Variants in TWSG1 observed in about 807,000 individuals in gnomAD.
The protein encoded by TWSG1 is twisted gastrulation BMP signaling modulator 1.
A neutral mutation model predicts 23.0 loss-of-function variants in TWSG1; 15 were observed. That is an observed-to-expected ratio of 0.65 (90% CI 0.44 to 1.00). TWSG1 has a LOEUF of 1.00. Among genes scored for constraint, TWSG1 ranks in the 50% least tolerant of loss-of-function variants. The probability of loss-of-function intolerance (pLI) is 0.00; values close to 1 mark genes in which losing one functional copy is unlikely to be tolerated. For missense variants in TWSG1, 242 were observed against 278.7 expected (o/e 0.87, Z 0.94); for synonymous variants, 86 against 92.8 (o/e 0.93, Z 0.42).
At chr18:9,348,970 A>G (rs1020991653) in intron 2 of TWSG1, among the ~76,000 whole-genome samples, 3 of 152,174 alleles carry the variant, frequency 2.0e-5, no homozygotes, top group Admixed American at 2.0e-4. Flanking sequence ...GCAAAGCAGT[A>G]CAGTCATTCC....
intron 3 of TWSG1, among the ~76,000 whole-genome samples, chr18:9,380,006 C>T (rs1485461266): frequency 6.6e-6 from 1 of 152,114 alleles, no homozygotes; most frequent in Non-Finnish European, 1.5e-5. Context: ...AAAAAAAGAT[C>T]CTGATTTCTT....
At chr18:9,337,428 A>T in intron 2 of TWSG1, 76 bp downstream of exon 2, 1 of 1,471,430 alleles carries the variant, frequency 6.8e-7, no homozygotes. Context: ...ACAGATATAG[A>T]GTGCATATAT....
chr18:9,379,036 A>G (rs944470534), intron 3 of TWSG1, among the ~76,000 whole-genome samples: 1 of 152,182 alleles, frequency 6.6e-6, no homozygotes, highest in Non-Finnish European at 1.5e-5. Context: ...ATGCTGGCGA[A>G]GTTGTGGAGA....
At chr18:9,357,570 A>G (rs902842810) in intron 2 of TWSG1, among the ~76,000 whole-genome samples, 22 of 152,218 alleles carry the variant, frequency 1.4e-4, no homozygotes, top group Non-Finnish European at 2.9e-4. Flanking sequence ...AGGTACAGAA[A>G]TGAGAAATAA....
intron 3 of TWSG1, among the ~76,000 whole-genome samples, chr18:9,377,288 G>A (rs995772811): frequency 6.6e-5 from 10 of 150,872 alleles, no homozygotes; most frequent in African/African-American, 2.0e-4. Flanking sequence ...GTGCGACCTC[G>A]GCTCACTGCA....
At chr18:9,352,276 A>G (rs1160939879) in intron 2 of TWSG1, among the ~76,000 whole-genome samples, 2 of 151,992 alleles carry the variant, frequency 1.3e-5, no homozygotes, top group Non-Finnish European at 2.9e-5. Flanking sequence ...TTTCCTTTTT[A>G]TTGATGAGTA....
At chr18:9,353,095 C>T (rs1283999727) in intron 2 of TWSG1, among the ~76,000 whole-genome samples, 1 of 152,152 alleles carries the variant, frequency 6.6e-6, no homozygotes, top group Non-Finnish European at 1.5e-5. Context: ...CAGTAACATG[C>T]TGTACAGGTT....
intron 2 of TWSG1, among the ~76,000 whole-genome samples, chr18:9,349,823 C>T (rs1222817929): frequency 6.6e-6 from 1 of 152,126 alleles, no homozygotes; most frequent in East Asian, 1.9e-4. Context: ...CTTTCCTCTT[C>T]ATCCCATTTT....
At chr18:9,339,900 C>CT (rs2040438623) in intron 2 of TWSG1, among the ~76,000 whole-genome samples, 1 of 152,294 alleles carries the variant, frequency 6.6e-6, no homozygotes, top group Admixed American at 6.5e-5. Flanking sequence ...TCACCTAACT[C>CT]AAATGGTGAT....
At chr18:9,353,125 G>A (rs919744958) in intron 2 of TWSG1, among the ~76,000 whole-genome samples, 1 of 152,148 alleles carries the variant, frequency 6.6e-6, no homozygotes, top group Non-Finnish European at 1.5e-5. Context: ...GGAACAATAG[G>A]CCATACCATA....
chr18:9,372,150 G>A (rs926688108), intron 3 of TWSG1, among the ~76,000 whole-genome samples: 1 of 150,798 alleles, frequency 6.6e-6, no homozygotes, highest in Admixed American at 6.6e-5. Flanking sequence ...TGCTATGTAT[G>A]TATATATATT....
At chr18:9,359,296 A>G (rs921952675) in intron 2 of TWSG1, among the ~76,000 whole-genome samples, 1 of 152,166 alleles carries the variant, frequency 6.6e-6, no homozygotes, top group African/African-American at 2.4e-5. Context: ...TCTAAGAGAA[A>G]GAGTAGATGC....
chr18:9,363,954 C>G (rs1016256200), intron 3 of TWSG1, among the ~76,000 whole-genome samples: 12 of 152,136 alleles, frequency 7.9e-5, no homozygotes, highest in Non-Finnish European at 1.6e-4. Flanking sequence ...TTAATATCGT[C>G]TAATACCACT....
chr18:9,372,690 A>C (rs1422157715), intron 3 of TWSG1, among the ~76,000 whole-genome samples: 2 of 151,904 alleles, frequency 1.3e-5, no homozygotes, highest in Non-Finnish European at 2.9e-5. Context: ...GATATGGTTT[A>C]TTCAAATGTG....
intron 3 of TWSG1, among the ~76,000 whole-genome samples, chr18:9,370,582 G>A (rs374296549): frequency 3.9e-5 from 6 of 152,124 alleles, no homozygotes; most frequent in African/African-American, 1.4e-4. Flanking sequence ...TAAAGACACC[G>A]AAGACTAGAG....
At position 9,344,452 on chromosome 18, in the gene TWSG1, T is replaced by A. The variant is rs1300311698; in HGVS notation, c.123+7100T>A. Among the ~76,000 whole-genome samples the A allele has an allele frequency of 2.6e-5, 4 of 151,220 alleles. No individual in the cohort carries two copies. The East Asian group carries it at 7.8e-4, about 29-fold the overall frequency. On this transcript the variant is annotated intron_variant, in intron 2 of 4. Coordinates refer to ENST00000262120, the MANE Select transcript of TWSG1 (RefSeq NM_020648.6). ...TTATGATTTGCATTTCCCTAATAGC[T>A]AATGATGTTGAGCATCTTTTTATGT... is the stretch of plus-strand genomic sequence containing the variant.
chr18:9,386,139 G>A (rs900332267), intron 3 of TWSG1, among the ~76,000 whole-genome samples: 3 of 144,700 alleles, frequency 2.1e-5, no homozygotes, highest in Non-Finnish European at 4.5e-5. Flanking sequence ...ACTGATGCCT[G>A]AGCAACACAG....
chr18:9,380,163 T>C (rs1218648808), intron 3 of TWSG1, among the ~76,000 whole-genome samples: 5 of 152,220 alleles, frequency 3.3e-5, no homozygotes, highest in Admixed American at 3.3e-4. Context: ...AACTTAATAA[T>C]AGCTAATGCT....
At chr18:9,347,508 A>T (rs2040482893) in intron 2 of TWSG1, among the ~76,000 whole-genome samples, 1 of 151,730 alleles carries the variant, frequency 6.6e-6, no homozygotes, top group African/African-American at 2.4e-5. Context: ...ATTTTCTTTC[A>T]TTTCTTTCAA....
Sources: allele counts gnomAD v4.1 joint callset (sites outside exome capture counted in the v4.1 genomes callset), GRCh38; gene constraint gnomAD v4.1.1; transcripts MANE v1.5; gene names NCBI Gene and HGNC (gene_info 2026-07-23, HGNC 2026-07-21).